The following AXDND1 variants were observed in gnomAD, a reference collection of about 807,000 sequenced individuals.
AXDND1 encodes axonemal dynein light chain domain-containing protein 1.
Under a neutral mutation model 137.5 loss-of-function variants are expected in AXDND1, and 110 were observed. That is an observed-to-expected ratio of 0.80 (90% CI 0.69 to 0.94). AXDND1 has a LOEUF of 0.94. Among genes scored for constraint, AXDND1 ranks in the 40% least tolerant of loss-of-function variants. AXDND1 has a pLI of 0.00. For missense variants in AXDND1, 1,191 were observed against 1,169.8 expected, an observed-to-expected ratio of 1.02 and a Z score of -0.26; for synonymous variants, 414 against 399.7, an observed-to-expected ratio of 1.04 and a Z score of -0.43.
At chr1:179,517,915 C>G (rs1669695630) in intron 21 of AXDND1, among the ~76,000 whole-genome samples, 1 of 152,196 alleles carries the variant, frequency 6.6e-6, no homozygotes, top group South Asian at 2.1e-4. Context: ...ACGTGAGCCT[C>G]CACACACTGC....
chr1:179,498,545 T>A (rs1238015485), intron 20 of AXDND1, among the ~76,000 whole-genome samples: 2 of 151,884 alleles, frequency 1.3e-5, no homozygotes, highest in East Asian at 3.9e-4. Context: ...TTTGGCTAAA[T>A]CTCCAAAAGC....
intron 9 of AXDND1, among the ~76,000 whole-genome samples, chr1:179,391,863 C>T (rs112663966): frequency 0.018 from 2,714 of 152,118 alleles, 68 homozygotes; most frequent in African/African-American, 0.061. Flanking sequence ...TTATAAAGGG[C>T]TTCTTCCTTT....
chr1:179,552,324 T>TTGA (rs1463549384), intron 25 of AXDND1: 1 of 500,068 alleles, frequency 2.0e-6, no homozygotes, highest in African/African-American at 1.9e-5. Context: ...AGAAGAGGGA[T>TTGA]TGATGTGTGT....
intron 6 of AXDND1, among the ~76,000 whole-genome samples, chr1:179,381,250 C>T (rs1648246101): frequency 6.6e-6 from 1 of 151,592 alleles, no homozygotes; most frequent in Non-Finnish European, 1.5e-5. Flanking sequence ...CCATGTTAGC[C>T]AAGCTGGTCT....
chr1:179,479,531 A>G (rs927419555), intron 17 of AXDND1, among the ~76,000 whole-genome samples: 12 of 151,032 alleles, frequency 7.9e-5, no homozygotes, highest in African/African-American at 2.9e-4. Flanking sequence ...TAATCCTAGC[A>G]CTTTGGGAGG....
chr1:179,543,660 G>A (rs1470684113), intron 25 of AXDND1: 2 of 152,138 alleles, frequency 1.3e-5, no homozygotes, highest in Non-Finnish European at 2.9e-5. Context: ...GTACAAGAGG[G>A]AAGGAGGAGA....
At position 179,414,435 on chromosome 1, in the gene AXDND1, A is replaced by ATTTATTTATTTT. The variant is rs1032149429; in HGVS notation, c.1230+3172_1230+3173insATTTATTTTTTT. On this transcript the variant is annotated intron_variant, in intron 12 of 25. Transcript: ENST00000367618. The stretch of plus-strand genomic sequence containing the variant: ...TCTTTATTTATTTATTTATTTATTT[A>ATTTATTTATTTT]TTTTTTTGAGATGGAGTCTCGCTCT... Among the ~76,000 whole-genome samples the ATTTATTTATTTT allele has an allele frequency of 5.4e-3, 719 of 132,870 alleles. 7 individuals carry two copies. Among genetic ancestry groups the ATTTATTTATTTT allele is most frequent in the African/African-American group, 0.019 (688 of 35,944 alleles). The allele number at this position is 132,870 out of a possible 152,430, so 87.2% of individuals were successfully genotyped here. A position where few individuals can be genotyped will look rare whatever the true frequency, so the allele number is the denominator to read the frequency against.
At chr1:179,462,496 C>A (rs943477753) in intron 16 of AXDND1, among the ~76,000 whole-genome samples, 1 of 152,088 alleles carries the variant, frequency 6.6e-6, no homozygotes, top group African/African-American at 2.4e-5. Flanking sequence ...GGATATTGGT[C>A]TAAAATTCTC....
At chr1:179,551,056 A>G (rs1673177616) in intron 25 of AXDND1, 1 of 1,271,936 alleles carries the variant, frequency 7.9e-7, no homozygotes, top group Non-Finnish European at 1.1e-6. Flanking sequence ...CGTGCATTCC[A>G]TGGCCATTCC....
At chr1:179,543,202 G>C (rs943279308) in intron 25 of AXDND1, 1 of 152,186 alleles carries the variant, frequency 6.6e-6, no homozygotes, top group Non-Finnish European at 1.5e-5. Flanking sequence ...GGACAGAGTA[G>C]GGGATGTATT....
chr1:179,533,751 G>T, intron 23 of AXDND1, 44 bp from the exon 24 acceptor site: 1 of 1,418,472 alleles, frequency 7.0e-7, no homozygotes, highest in Non-Finnish European at 9.9e-7. Context: ...AATACTAATT[G>T]TTGAGACTGT....
chr1:179,406,747 C>T (rs575603546), intron 11 of AXDND1, among the ~76,000 whole-genome samples: 5 of 152,100 alleles, frequency 3.3e-5, no homozygotes, highest in East Asian at 1.9e-4. Flanking sequence ...TATATGTTTT[C>T]GCAAGTGAAG....
chr1:179,505,654 A>AAAAAAAG (rs915180714), intron 20 of AXDND1, among the ~76,000 whole-genome samples: 5 of 152,248 alleles, frequency 3.3e-5, no homozygotes, highest in African/African-American at 9.6e-5. Context: ...TCTCAAAAAA[A>AAAAAAAG]AAAAAAGAAA....
chr1:179,441,465 T>G (rs1273092437), intron 15 of AXDND1, among the ~76,000 whole-genome samples: 1 of 152,194 alleles, frequency 6.6e-6, no homozygotes, highest in African/African-American at 2.4e-5. Flanking sequence ...CTGAGAAAAT[T>G]TCCCAAGTTT....
At chr1:179,417,157 A>C (rs1480235444) in intron 12 of AXDND1, among the ~76,000 whole-genome samples, 1 of 145,144 alleles carries the variant, frequency 6.9e-6, no homozygotes, top group Non-Finnish European at 1.5e-5. Flanking sequence ...ATCTATTCAG[A>C]TCTTTTGCCC....
chr1:179,504,521 A>G (rs572282464), intron 20 of AXDND1, among the ~76,000 whole-genome samples: 2 of 152,358 alleles, frequency 1.3e-5, no homozygotes, highest in South Asian at 4.1e-4. Context: ...TTTGAGGTGT[A>G]TCTCCCTATA....
At chr1:179,380,968 C>T (rs1295555604) in intron 6 of AXDND1, among the ~76,000 whole-genome samples, 1 of 151,054 alleles carries the variant, frequency 6.6e-6, no homozygotes, top group Non-Finnish European at 1.5e-5. Flanking sequence ...TAATCAAATA[C>T]TTCTACCACC....
intron 16 of AXDND1, among the ~76,000 whole-genome samples, chr1:179,465,698 C>G (rs903434854): frequency 6.6e-6 from 1 of 152,230 alleles, no homozygotes; most frequent in Non-Finnish European, 1.5e-5. Flanking sequence ...GCCTTTTGTT[C>G]AGCTATGCCC....
At chr1:179,546,910 G>A (rs1030455564) in intron 25 of AXDND1, among the ~76,000 whole-genome samples, 3 of 152,186 alleles carry the variant, frequency 2.0e-5, no homozygotes, top group Non-Finnish European at 2.9e-5. Context: ...TCACTGACTT[G>A]ACTATGGTCA....
Sources: gnomAD v4.1 joint callset for allele counts (sites outside exome capture counted in the v4.1 genomes callset) on GRCh38, gnomAD v4.1.1 for gene constraint, MANE v1.5 for transcripts, NCBI Gene and HGNC (gene_info 2026-07-23, HGNC 2026-07-21) for gene names.